Variants in RHOU observed in about 807,000 individuals in gnomAD.
The protein encoded by RHOU is ras homolog family member U.
RHOU carries 8 observed loss-of-function variants against 12.6 expected under a neutral mutation model. The ratio of observed to expected loss-of-function variants is 0.64; its 90% confidence interval spans 0.37 to 1.15. The LOEUF is 1.15. Ranked by LOEUF, RHOU falls within the 50% of genes most tolerant of loss-of-function variation. The pLI, the probability that RHOU is intolerant of heterozygous loss-of-function variation, is 0.01. For missense variants in RHOU, 258 were observed against 347.0 expected (o/e 0.74, Z 2.04); for synonymous variants, 161 against 147.4 (o/e 1.09, Z -0.67).
At chr1:228,705,068 C>T in the RHOU span, among the ~76,000 whole-genome samples, 1 of 151,184 alleles carries the variant, frequency 6.6e-6, no homozygotes, top group Non-Finnish European at 1.5e-5. Flanking sequence ...TCCCAAAATG[C>T]TGGCATTATA....
chr1:228,733,716 G>A (rs892548105), upstream of RHOU, among the ~76,000 whole-genome samples: 3 of 152,244 alleles, frequency 2.0e-5, no homozygotes, highest in African/African-American at 7.2e-5. Context: ...GGGAAAGTAA[G>A]ACAGTTAAGG....
the RHOU span, among the ~76,000 whole-genome samples, chr1:228,725,352 G>C: frequency 6.6e-6 from 1 of 152,200 alleles, no homozygotes; most frequent in Admixed American, 6.5e-5. Flanking sequence ...GTCCTTTAGA[G>C]GTACAGAGGT....
upstream of RHOU, among the ~76,000 whole-genome samples, chr1:228,732,214 G>C (rs1442756801): frequency 6.6e-6 from 1 of 152,130 alleles, no homozygotes; most frequent in Non-Finnish European, 1.5e-5. Flanking sequence ...TGCCCCACGT[G>C]CTTCTAAGTG....
At chr1:228,663,625 CTTTTTTTTTTTTTTT>C in the RHOU span, among the ~76,000 whole-genome samples, 1 of 58,762 alleles carries the variant, frequency 1.7e-5, no homozygotes, top group African/African-American at 6.9e-5. Context: ...CTTTTCTTTT[CTTTTTTTTTTTTTTT>C]TTTTTTTTTT....
At chr1:228,707,196 C>T in the RHOU span, among the ~76,000 whole-genome samples, 9,109 of 70,320 alleles carry the variant, frequency 0.13, 633 homozygotes, top group Middle Eastern at 0.31. Context: ...TATATATATA[C>T]ATATATATAC....
At chr1:228,724,920 A>G in the RHOU span, among the ~76,000 whole-genome samples, 3 of 152,196 alleles carry the variant, frequency 2.0e-5, no homozygotes, top group African/African-American at 7.2e-5. Context: ...TGATACACAG[A>G]AGGCCTTCAA....
At chr1:228,728,173 C>T in the RHOU span, among the ~76,000 whole-genome samples, 1 of 152,294 alleles carries the variant, frequency 6.6e-6, no homozygotes, top group East Asian at 1.9e-4. Context: ...GGAAAATAAA[C>T]CAAGACTAAT....
upstream of RHOU, among the ~76,000 whole-genome samples, chr1:228,733,566 CAA>C (rs960345531): frequency 4.6e-5 from 7 of 152,230 alleles, no homozygotes; most frequent in Admixed American, 1.3e-4. Context: ...TTCAGCCCCC[CAA>C]AGTGTTGGGA....
chr1:228,663,043 T>C, the RHOU span, among the ~76,000 whole-genome samples: 1 of 152,202 alleles, frequency 6.6e-6, no homozygotes, highest in Non-Finnish European at 1.5e-5. Flanking sequence ...CCTGTTTTTG[T>C]ATATGGTTTT....
the RHOU span, among the ~76,000 whole-genome samples, chr1:228,674,285 G>A: frequency 6.7e-6 from 1 of 149,128 alleles, no homozygotes; most frequent in East Asian, 1.9e-4. Flanking sequence ...TAATGCAATC[G>A]TTTGAGGTTC....
At chr1:228,739,154 C>T (rs1171762741) in intron 2 of RHOU, among the ~76,000 whole-genome samples, 10 of 152,104 alleles carry the variant, frequency 6.6e-5, no homozygotes. Flanking sequence ...TCAAAGAATA[C>T]AGTCACTTCT....
chr1:228,697,884 T>C, the RHOU span, among the ~76,000 whole-genome samples: 1 of 152,198 alleles, frequency 6.6e-6, no homozygotes, highest in Admixed American at 6.5e-5. Context: ...TTTGTCACTG[T>C]ATCCTTAGGA....
chr1:228,723,437 C>T, the RHOU span, among the ~76,000 whole-genome samples: 1 of 152,168 alleles, frequency 6.6e-6, no homozygotes. Flanking sequence ...AGAAACTAGC[C>T]CTCCTCCCCT....
chr1:228,721,450 A>G, the RHOU span, among the ~76,000 whole-genome samples: 8 of 152,254 alleles, frequency 5.3e-5, no homozygotes, highest in African/African-American at 1.7e-4. Context: ...ATAGATGACT[A>G]CAGTTTCATT....
At chr1:228,656,993 A>G in the RHOU span, among the ~76,000 whole-genome samples, 1 of 152,166 alleles carries the variant, frequency 6.6e-6, no homozygotes, top group African/African-American at 2.4e-5. Flanking sequence ...TAGAAAAAAG[A>G]GGCTGGGAGT....
chr1:228,674,416 G>A, the RHOU span, among the ~76,000 whole-genome samples: 6 of 147,496 alleles, frequency 4.1e-5, no homozygotes, highest in Non-Finnish European at 7.4e-5. Flanking sequence ...GTGCAATTTC[G>A]GCTCACTGCA....
the RHOU span, among the ~76,000 whole-genome samples, chr1:228,699,095 TG>T: frequency 0.12 from 17,660 of 150,226 alleles, 1,134 homozygotes; most frequent in Middle Eastern, 0.23. Flanking sequence ...GTTTTTTTTT[TG>T]TTTTTTTTAA....
chr1:228,666,528 C>T, the RHOU span, among the ~76,000 whole-genome samples: 1 of 152,106 alleles, frequency 6.6e-6, no homozygotes, highest in Non-Finnish European at 1.5e-5. Context: ...GAACTAATTC[C>T]CCTTACCTAT....
At chr1:228,692,175 C>T in the RHOU span, among the ~76,000 whole-genome samples, 4 of 152,164 alleles carry the variant, frequency 2.6e-5, no homozygotes, top group Non-Finnish European at 5.9e-5. Context: ...ATCCTGGTGT[C>T]AGGTGAGCAC....
Sources: allele counts gnomAD v4.1 joint callset (sites outside exome capture counted in the v4.1 genomes callset), GRCh38; gene constraint gnomAD v4.1.1; transcripts MANE v1.5; gene names NCBI Gene and HGNC (gene_info 2026-07-23, HGNC 2026-07-21).